Variants in ENAH observed in about 807,000 individuals in gnomAD.
The protein encoded by ENAH is protein enabled homolog.
Under a neutral mutation model 78.7 loss-of-function variants are expected in ENAH, and 23 were observed. The observed-to-expected ratio is 0.29, with a 90% confidence interval of 0.21 to 0.41. The LOEUF (loss-of-function observed/expected upper bound fraction) is 0.41. ENAH is among the 10% of genes least tolerant of loss of function. ENAH has a pLI of 1.00. For missense variants in ENAH, 544 were observed against 691.0 expected, an observed-to-expected ratio of 0.79 and a Z score of 2.39; for synonymous variants, 226 against 241.0, an observed-to-expected ratio of 0.94 and a Z score of 0.58.
intron 1 of ENAH, among the ~76,000 whole-genome samples, chr1:225,583,765 A>G (rs149789971): frequency 0.044 from 6,567 of 148,872 alleles, 221 homozygotes; most frequent in South Asian, 0.12. Context: ...CCCAGATTGC[A>G]CCACTGCACT....
chr1:225,567,955 G>A (rs2096742855), intron 1 of ENAH, among the ~76,000 whole-genome samples: 1 of 152,114 alleles, frequency 6.6e-6, no homozygotes, highest in Non-Finnish European at 1.5e-5. Context: ...TCAACCATCT[G>A]CCCCTTGAGA....
chr1:225,593,509 T>C (rs1386499563), intron 1 of ENAH, among the ~76,000 whole-genome samples: 1 of 150,502 alleles, frequency 6.6e-6, no homozygotes, highest in East Asian at 2.0e-4. Flanking sequence ...CAAAACTTTA[T>C]GCTTTGAGAG....
At position 225,511,792 on chromosome 1, in the gene ENAH, AT is replaced by A; in HGVS notation, c.1471+18del. The stretch of plus-strand genomic sequence containing the variant: ...TTAGAGAAAGTTTATAAAGGTTAAA[AT>A]ATTTATCTTGAACTTACCAGGTGTA... On this transcript the variant is annotated intron_variant, in intron 10 of 13. Transcript: ENST00000366843. 1.3e-6 allele frequency: 2 copies of A among 1,577,448 alleles called. No individual in the cohort carries two copies. The highest frequency in any genetic ancestry group is 8.7e-7 in the Non-Finnish European group (1 of 1,152,650).
intron 11 of ENAH, among the ~76,000 whole-genome samples, chr1:225,503,651 A>G (rs2096299332): frequency 1.4e-5 from 1 of 70,386 alleles, no homozygotes; most frequent in African/African-American, 6.6e-5. Context: ...GCCAAAACAA[A>G]CCACCTCAAA....
At chr1:225,653,635 G>C (rs537997693), upstream of ENAH, among the ~76,000 whole-genome samples, 1 of 152,060 alleles carries the variant, frequency 6.6e-6, no homozygotes, top group South Asian at 2.1e-4. The surrounding 1 kb of genome is among the most constrained non-coding windows in gnomAD (Gnocchi z 4.3). Flanking sequence ...GCGTGACTGG[G>C]CACAGGGCCG....
chr1:225,606,838 G>C (rs1416427877), intron 1 of ENAH, among the ~76,000 whole-genome samples: 2 of 84,020 alleles, frequency 2.4e-5, no homozygotes, highest in African/African-American at 1.2e-4. Flanking sequence ...GCAAGACTCT[G>C]TCTCAAAAAA....
intron 1 of ENAH, among the ~76,000 whole-genome samples, chr1:225,634,986 T>C (rs1245104484): frequency 6.6e-6 from 1 of 152,214 alleles, no homozygotes; most frequent in Non-Finnish European, 1.5e-5. Flanking sequence ...TGTCTGCATA[T>C]CAATTTAAGT....
chr1:225,588,646 A>G (rs2096859282), intron 1 of ENAH, among the ~76,000 whole-genome samples: 1 of 152,126 alleles, frequency 6.6e-6, no homozygotes, highest in Admixed American at 6.5e-5. Context: ...CGTCTCGACT[A>G]AAAATACAAA....
Position 225,577,270 on chromosome 1 carries a change from C to T in ENAH, c.6-9856G>A, listed in dbSNP as rs146282721. Among the ~76,000 whole-genome samples, 276 of 152,278 alleles carry T rather than the reference C, an allele frequency of 1.8e-3. 5 individuals carry two copies. Among genetic ancestry groups the T allele is most frequent in the Admixed American group, 0.016 (247 of 15,290 alleles). ...AGTAGACCAAATTAGAAACTTATCTCCTTTGCCATTCCATTAAAAAAAGAA... is the reference window on the plus strand; with the variant it reads ...AGTAGACCAAATTAGAAACTTATCTTCTTTGCCATTCCATTAAAAAAAGAA... On this transcript the variant is annotated intron_variant, in intron 1 of 13. Transcript: ENST00000366843.
In ENAH at chr1:225,496,544, A is replaced by G. The variant is rs2096250598; in HGVS notation, c.*1231T>C. The G allele has an allele frequency of 6.5e-6, 1 of 152,674 alleles. No homozygotes were observed. Among genetic ancestry groups the G allele is most frequent in the Admixed American group, 6.5e-5 (1 of 15,286 alleles). 9.5% of individuals were successfully genotyped at this position (152,674 alleles called of 1,614,324 possible). Reference sequence around the variant, plus strand: ...TAACAGCGGGGGTACCTAGGTAATAATAACTGCCAAATTCAGTGATCAAAC... The same window carrying G: ...TAACAGCGGGGGTACCTAGGTAATAGTAACTGCCAAATTCAGTGATCAAAC... On this transcript the variant is annotated 3_prime_UTR_variant, in exon 14 of 14. Transcript: ENST00000366843.
intron 3 of ENAH, among the ~76,000 whole-genome samples, chr1:225,535,781 C>G (rs575811447): frequency 5.3e-5 from 8 of 151,976 alleles, no homozygotes; most frequent in Admixed American, 5.3e-4. Flanking sequence ...GTGGAAAAAC[C>G]CTGTAAGCAG....
At chr1:225,505,134 TG>T (rs2151070737) in intron 11 of ENAH, 1 of 1,020,500 alleles carries the variant, frequency 9.8e-7, no homozygotes, top group East Asian at 2.6e-5. Flanking sequence ...TTTTATAGGT[TG>T]TTAATAGCAA....
At position 225,527,837 on chromosome 1, in the gene ENAH, A is replaced by G. The variant is rs975816127; in HGVS notation, c.434+2717T>C. On this transcript the variant is annotated intron_variant, in intron 4 of 13. Coordinates refer to ENST00000366843, the MANE Select transcript of ENAH (RefSeq NM_018212.6). Reference sequence around the variant, plus strand: ...TTGCCTCTTTAGGCACAGCTCAAAGAGCACCTCCTCCGTGAACCTCCCACC... The same window carrying G: ...TTGCCTCTTTAGGCACAGCTCAAAGGGCACCTCCTCCGTGAACCTCCCACC... 2.0e-5 allele frequency among the ~76,000 whole-genome samples: 3 copies of G among 152,146 alleles called. No individual in the cohort carries two copies. In the South Asian group the frequency reaches 6.2e-4, roughly 32 times the overall value.
chr1:225,542,192 T>C (rs74149840), intron 3 of ENAH, among the ~76,000 whole-genome samples: 2,032 of 152,228 alleles, frequency 0.013, 53 homozygotes, highest in African/African-American at 0.045. Flanking sequence ...TAGCTCTAGT[T>C]TCTAACAAGA....
At chr1:225,555,391 G>C (rs953507313) in intron 2 of ENAH, among the ~76,000 whole-genome samples, 8 of 152,230 alleles carry the variant, frequency 5.3e-5, no homozygotes, top group African/African-American at 1.9e-4. Context: ...GACCATCCTG[G>C]CTAACACGGT....
intron 1 of ENAH, among the ~76,000 whole-genome samples, chr1:225,600,719 C>G (rs2096926445): frequency 6.6e-6 from 1 of 152,000 alleles, no homozygotes; most frequent in Admixed American, 6.6e-5. Flanking sequence ...ATTAGCCAGG[C>G]ATGTGGTGTG....
Position 225,501,682 on chromosome 1 carries a change from G to A in ENAH, c.1539-612C>T, listed in dbSNP as rs149080104. Reference sequence around the variant, plus strand: ...GATTAGACTATGTGACTATTTCCTTGTGAAATTTTTATGGAGACGTCATTT... The same window carrying A: ...GATTAGACTATGTGACTATTTCCTTATGAAATTTTTATGGAGACGTCATTT... On this transcript the variant is annotated intron_variant, in intron 11 of 13. Transcript: ENST00000366843. Among the ~76,000 whole-genome samples the A allele has an allele frequency of 1.0e-3, 155 of 152,284 alleles. No individual in the cohort carries two copies. The Middle Eastern group carries it at 0.02, about 20-fold the overall frequency.
At chr1:225,653,719 G>T (rs1381292062), upstream of ENAH, among the ~76,000 whole-genome samples, 3 of 152,228 alleles carry the variant, frequency 2.0e-5, no homozygotes, top group African/African-American at 4.8e-5. This position sits in a 1 kb window ranked among gnomAD's most constrained non-coding sequence, Gnocchi z 4.3. Flanking sequence ...CCCTGTTGCG[G>T]TCTCAGGACG....
intron 1 of ENAH, among the ~76,000 whole-genome samples, chr1:225,606,604 T>C (rs189074332): frequency 6.6e-6 from 1 of 152,010 alleles, no homozygotes; most frequent in East Asian, 1.9e-4. Flanking sequence ...TTCTAACACT[T>C]TGGGAGGCCA....
Sources: gnomAD v4.1 joint callset for allele counts (sites outside exome capture counted in the v4.1 genomes callset) on GRCh38, gnomAD v4.1.1 for gene constraint, Gnocchi (gnomAD v3.1) non-coding constraint, MANE v1.5 for transcripts, NCBI Gene and HGNC (gene_info 2026-07-23, HGNC 2026-07-21) for gene names.